The following SORCS2 variants were observed in gnomAD, a reference collection of about 807,000 sequenced individuals.
The protein encoded by SORCS2 is VPS10 domain-containing receptor SorCS2.
Under a neutral mutation model 141.6 loss-of-function variants are expected in SORCS2, and 100 were observed. That is an observed-to-expected ratio of 0.71 (90% confidence interval 0.60 to 0.83). The LOEUF (loss-of-function observed/expected upper bound fraction) is 0.83, where lower values mean the gene tolerates loss of function less well. Ranked by LOEUF, SORCS2 falls within the 40% of genes least tolerant of loss-of-function variation. The pLI is 0.00. For synonymous variants in SORCS2, 789 were observed against 676.9 expected, an observed-to-expected ratio of 1.17 and a Z score of -2.57; for missense variants, 1,646 against 1,560.2, an observed-to-expected ratio of 1.05 and a Z score of -0.93.
chr4:7,265,870 G>A (rs945214064), intron 1 of SORCS2, among the ~76,000 whole-genome samples: 1 of 152,090 alleles, frequency 6.6e-6, no homozygotes, highest in South Asian at 2.1e-4. Context: ...GCAGAGGGAG[G>A]GGCTGGCTCT....
chr4:7,465,994 C>T (rs1729595609), intron 2 of SORCS2, among the ~76,000 whole-genome samples: 1 of 152,078 alleles, frequency 6.6e-6, no homozygotes, highest in South Asian at 2.1e-4. Flanking sequence ...ACCCAGGGCT[C>T]CAGGTTGATA....
chr4:7,647,685 G>A (rs537214161), intron 4 of SORCS2, among the ~76,000 whole-genome samples: 107 of 152,308 alleles, frequency 7.0e-4, no homozygotes, highest in African/African-American at 2.4e-3. Context: ...TGATATGGAC[G>A]AGGAGGGCAG....
rs1198695958 is a variant in SORCS2, at chr4:7,193,543, G to C, written c.480+417G>C. On this transcript the variant is annotated intron_variant, in intron 1 of 26. Coordinates refer to ENST00000507866, the MANE Select transcript of SORCS2 (RefSeq NM_020777.3). The surrounding 1 kb of genome is among the most constrained non-coding windows in gnomAD (Gnocchi z 4.8). ...CGCGTTCTGGGATTTTGGGCTCCGG[G>C]ATCCTTCCCTCCCTGGTCTACCAGG... Among the ~76,000 whole-genome samples the C allele has an allele frequency of 6.6e-6, 1 of 152,136 alleles. No individual in the cohort carries two copies. The highest frequency in any genetic ancestry group is 1.5e-5 in the Non-Finnish European group (1 of 68,028).
chr4:7,264,593 C>T (rs1308628761), intron 1 of SORCS2, among the ~76,000 whole-genome samples: 1 of 152,224 alleles, frequency 6.6e-6, no homozygotes, highest in Non-Finnish European at 1.5e-5. Context: ...ATGTCCTTCT[C>T]GGGAAGGTGC....
intron 1 of SORCS2, among the ~76,000 whole-genome samples, chr4:7,340,934 C>G (rs984987787): frequency 2.0e-5 from 3 of 152,220 alleles, no homozygotes; most frequent in Non-Finnish European, 4.4e-5. Flanking sequence ...TGAGCCCCAT[C>G]ATTGGCCAGG....
chr4:7,512,730 G>A (rs532315559), intron 2 of SORCS2, among the ~76,000 whole-genome samples: 117 of 151,536 alleles, frequency 7.7e-4, no homozygotes, highest in Middle Eastern at 6.8e-3. Context: ...GGAGTCAGCC[G>A]CCTCCTCACT....
Position 7,651,439 on chromosome 4 carries a change from AGAG to A in SORCS2, c.814-2689_814-2687del, listed in dbSNP as rs1202411711. 4.6e-5 allele frequency among the ~76,000 whole-genome samples: 7 copies of A among 152,158 alleles called. No homozygotes were observed. The South Asian group carries it at 1.2e-3, about 27-fold the overall frequency. On this transcript the variant is annotated intron_variant, in intron 4 of 26. Coordinates refer to ENST00000507866, the MANE Select transcript of SORCS2 (RefSeq NM_020777.3). Reference sequence around the variant, plus strand: ...TTGGCCTGGCCACTCTGGAGAGAGAAGAGGAGGACAGACTGCCTCCACAAGGCC... The same window carrying A: ...TTGGCCTGGCCACTCTGGAGAGAGAAGAGGACAGACTGCCTCCACAAGGCC...
At chr4:7,589,216 C>T (rs573818774) in intron 3 of SORCS2, among the ~76,000 whole-genome samples, 4 of 152,168 alleles carry the variant, frequency 2.6e-5, no homozygotes, top group Non-Finnish European at 4.4e-5. Flanking sequence ...ATCCTTGTGG[C>T]AACCCAGAGG....
rs112588430 is a variant in SORCS2, at chr4:7,714,340, G to A, written c.2090G>A (p.Arg697His). Residue 697 changes from arginine (R) to histidine (H), a missense_variant, in exon 16 of 27, where the codon CGC becomes CAC. Arg to His is a conservative substitution (Grantham distance 29). Coordinates refer to ENST00000507866, the MANE Select transcript of SORCS2 (RefSeq NM_020777.3). ...GRSFTSALTSRVCECRDSDFL... is the reference protein window; with the variant it reads ...GRSFTSALTSHVCECRDSDFL... Reference sequence around the variant, plus strand: ...AGCTTCACGTCGGCGCTCACGTCCCGCGTGTGCGAGTGCCGGGACTCGGAC... The same window carrying A: ...AGCTTCACGTCGGCGCTCACGTCCCACGTGTGCGAGTGCCGGGACTCGGAC... 43 of 1,566,284 alleles carry A rather than the reference G, an allele frequency of 2.7e-5. No homozygotes were observed. The highest frequency in any genetic ancestry group is 1.2e-4 in the South Asian group (10 of 85,034).
At chr4:7,551,799 T>C (rs961455217) in intron 3 of SORCS2, among the ~76,000 whole-genome samples, 6 of 152,228 alleles carry the variant, frequency 3.9e-5, no homozygotes, top group African/African-American at 1.4e-4. Flanking sequence ...TTTAAAAACA[T>C]TGATCAGTGC....
intron 1 of SORCS2, among the ~76,000 whole-genome samples, chr4:7,240,853 G>A (rs1034337953): frequency 1.3e-5 from 2 of 152,174 alleles, no homozygotes; most frequent in Non-Finnish European, 2.9e-5. Context: ...CACCCCGGTC[G>A]ACCTTCATTT....
chr4:7,211,020 G>C (rs1728030774), intron 1 of SORCS2, among the ~76,000 whole-genome samples: 2 of 152,244 alleles, frequency 1.3e-5, no homozygotes, highest in Non-Finnish European at 2.9e-5. Flanking sequence ...TGGAATGCCT[G>C]AGGGTTTGTA....
At chr4:7,307,357 A>C (rs769522208) in intron 1 of SORCS2, among the ~76,000 whole-genome samples, 26 of 152,388 alleles carry the variant, frequency 1.7e-4, no homozygotes, top group Admixed American at 1.0e-3. Context: ...CCAGAAAAGA[A>C]GAAAAGCAGC....
intron 3 of SORCS2, among the ~76,000 whole-genome samples, chr4:7,597,295 C>T (rs542606127): frequency 2.0e-4 from 29 of 144,072 alleles, no homozygotes; most frequent in African/African-American, 6.3e-4. Context: ...CGATTGCAAT[C>T]GGAGATGGGG....
intron 2 of SORCS2, among the ~76,000 whole-genome samples, chr4:7,502,522 A>C (rs1343900373): frequency 6.6e-6 from 1 of 152,206 alleles, no homozygotes. Flanking sequence ...CTGTGTGGAC[A>C]TGGCTGGTCT....
chr4:7,602,681 G>A (rs1369152685), intron 3 of SORCS2, among the ~76,000 whole-genome samples: 2 of 151,190 alleles, frequency 1.3e-5, no homozygotes, highest in African/African-American at 4.9e-5. Context: ...CAGGCTGGGC[G>A]GCCGGGCAGA....
intron 2 of SORCS2, among the ~76,000 whole-genome samples, chr4:7,399,374 C>A (rs1291532612): frequency 6.6e-6 from 1 of 152,142 alleles, no homozygotes; most frequent in African/African-American, 2.4e-5. Context: ...TCCTAAGAAT[C>A]CTTCTGTGTA....
At chr4:7,554,096 C>G (rs1331260982) in intron 3 of SORCS2, among the ~76,000 whole-genome samples, 1 of 41,274 alleles carries the variant, frequency 2.4e-5, no homozygotes, top group Non-Finnish European at 5.5e-5. Flanking sequence ...AATGCAAGGC[C>G]AAAAAATCAT....
At chr4:7,707,694 C>T (rs753951584) in intron 14 of SORCS2, among the ~76,000 whole-genome samples, 2 of 152,228 alleles carry the variant, frequency 1.3e-5, no homozygotes, top group South Asian at 2.1e-4. Context: ...TTCACTGGTG[C>T]GTCCCCAGGC....
Sources: allele counts gnomAD v4.1 joint callset (sites outside exome capture counted in the v4.1 genomes callset), GRCh38; gene constraint gnomAD v4.1.1; non-coding constraint Gnocchi (gnomAD v3.1); transcripts MANE v1.5; gene names NCBI Gene and HGNC (gene_info 2026-07-23, HGNC 2026-07-21).